Variants in ANKRD55 observed in about 807,000 individuals in gnomAD.
ANKRD55 encodes the protein ankyrin repeat domain-containing protein 55.
A neutral mutation model predicts 60.6 loss-of-function variants in ANKRD55; 41 were observed. The ratio of observed to expected loss-of-function variants is 0.68; its 90% CI spans 0.53 to 0.88. The LOEUF is 0.88. ANKRD55 is among the 40% of genes least tolerant of loss of function. The probability of loss-of-function intolerance (pLI) is 0.00; values close to 1 mark genes in which losing one functional copy is unlikely to be tolerated. For synonymous variants in ANKRD55, 264 were observed against 290.3 expected (o/e 0.91, Z 0.92); for missense variants, 732 against 767.6 (o/e 0.95, Z 0.55).
At chr5:56,195,589 G>T (rs773875881) in intron 2 of ANKRD55, among the ~76,000 whole-genome samples, 1 of 152,068 alleles carries the variant, frequency 6.6e-6, no homozygotes, top group Admixed American at 6.6e-5. Context: ...GATTACAGGC[G>T]TGTGCCACCA....
chr5:56,115,411 C>G (rs1438536897), intron 9 of ANKRD55, among the ~76,000 whole-genome samples: 1 of 151,590 alleles, frequency 6.6e-6, no homozygotes, highest in Non-Finnish European at 1.5e-5. Flanking sequence ...CTCCACCTCC[C>G]AGGCTCAAGC....
intron 10 of ANKRD55, among the ~76,000 whole-genome samples, chr5:56,109,511 A>G (rs1271330426): frequency 1.3e-5 from 2 of 151,838 alleles, no homozygotes; most frequent in African/African-American, 4.8e-5. Context: ...CTTTTGAACA[A>G]TGGTTCAAAG....
At chr5:56,171,958 A>C (rs761927289) in intron 4 of ANKRD55, among the ~76,000 whole-genome samples, 1 of 152,072 alleles carries the variant, frequency 6.6e-6, no homozygotes, top group African/African-American at 2.4e-5. Context: ...TCTCTACCAA[A>C]AATACAAAAA....
intron 7 of ANKRD55, among the ~76,000 whole-genome samples, chr5:56,133,679 C>G (rs1262752937): frequency 8.8e-6 from 1 of 113,188 alleles, no homozygotes; most frequent in African/African-American, 2.9e-5. Context: ...AATTTCTGAA[C>G]ATGTGGAGAT....
At chr5:56,216,527 G>A (rs1426297322) in intron 2 of ANKRD55, among the ~76,000 whole-genome samples, 1 of 152,230 alleles carries the variant, frequency 6.6e-6, no homozygotes, top group African/African-American at 2.4e-5. Context: ...GTCCTCTTGT[G>A]TCAGTTAGTC....
intron 8 of ANKRD55, among the ~76,000 whole-genome samples, chr5:56,118,379 G>A (rs770042989): frequency 3.3e-5 from 5 of 151,982 alleles, no homozygotes; most frequent in Admixed American, 1.3e-4. Context: ...TAATCCCAGC[G>A]CTTTGGGAGG....
intron 9 of ANKRD55, among the ~76,000 whole-genome samples, chr5:56,116,103 C>T (rs189413491): frequency 6.6e-5 from 10 of 152,314 alleles, no homozygotes; most frequent in African/African-American, 2.4e-4. Context: ...GATCCACCTG[C>T]CTCAGCCTCC....
At chr5:56,107,795 A>G (rs1756530780) in intron 10 of ANKRD55, among the ~76,000 whole-genome samples, 1 of 151,854 alleles carries the variant, frequency 6.6e-6, no homozygotes, top group Non-Finnish European at 1.5e-5. Context: ...GAAAGAGCCT[A>G]TGTTGCTTAT....
In ANKRD55 at chr5:56,102,378, A is replaced by T. The variant is rs1437799913; in HGVS notation, c.1723+116T>A. 1.3e-4 allele frequency: 93 copies of T among 691,058 alleles called. No individual in the cohort carries two copies. In the East Asian group the frequency reaches 2.8e-3, roughly 21 times the overall value. 42.8% of individuals were successfully genotyped at this position (691,058 alleles called of 1,614,324 possible). On this transcript the variant is annotated intron_variant, in intron 11 of 11. Coordinates refer to ENST00000341048, the MANE Select transcript of ANKRD55 (RefSeq NM_024669.3). The stretch of plus-strand genomic sequence containing the variant: ...TGCACTCTAGCCGGGGCGACAGCGC[A>T]AGACTCCATCTCAAAAAAAAAAAAA...
intron 6 of ANKRD55, among the ~76,000 whole-genome samples, chr5:56,155,318 A>G (rs1317524511): frequency 3.3e-5 from 5 of 152,184 alleles, no homozygotes; most frequent in Non-Finnish European, 7.4e-5. Flanking sequence ...AACAAAAAGC[A>G]GATTGGTTAT....
At chr5:56,111,892 C>A (rs545311780) in intron 9 of ANKRD55, 110 bp from the exon 10 acceptor site, 94 of 1,080,210 alleles carry the variant, frequency 8.7e-5, no homozygotes, top group Non-Finnish European at 1.1e-4. Flanking sequence ...TTTCTGAGAT[C>A]CTTCCTAGAT....
At chr5:56,154,717 T>C (rs1218313853) in intron 6 of ANKRD55, among the ~76,000 whole-genome samples, 1 of 151,414 alleles carries the variant, frequency 6.6e-6, no homozygotes, top group Non-Finnish European at 1.5e-5. Flanking sequence ...GCCTCTGGAG[T>C]AGCTGGGGCT....
intron 11 of ANKRD55, among the ~76,000 whole-genome samples, chr5:56,100,808 T>G (rs1224064084): frequency 7.9e-5 from 12 of 152,220 alleles, no homozygotes; most frequent in Non-Finnish European, 1.5e-5. Context: ...TCTTGGGCCC[T>G]GCCAAAGAAA....
intron 6 of ANKRD55, among the ~76,000 whole-genome samples, chr5:56,146,045 C>T (rs1219569371): frequency 6.6e-6 from 1 of 152,068 alleles, no homozygotes; most frequent in Non-Finnish European, 1.5e-5. Flanking sequence ...AAAAATAATG[C>T]ATGGATAGCC....
chr5:56,128,112 T>C (rs146670667), intron 7 of ANKRD55, among the ~76,000 whole-genome samples: 1 of 152,280 alleles, frequency 6.6e-6, no homozygotes, highest in African/African-American at 2.4e-5. Context: ...TTTTAGATAG[T>C]CAAGAGACAC....
intron 11 of ANKRD55, among the ~76,000 whole-genome samples, chr5:56,101,187 G>A (rs895402023): frequency 6.6e-6 from 1 of 152,196 alleles, no homozygotes; most frequent in African/African-American, 2.4e-5. Context: ...TAGCCTAGGG[G>A]AGAAAGACAT....
At chr5:56,229,365 AAG>A (rs1459907602) in intron 2 of ANKRD55, among the ~76,000 whole-genome samples, 1 of 152,140 alleles carries the variant, frequency 6.6e-6, no homozygotes, top group East Asian at 1.9e-4. Context: ...GAAGGCACAA[AAG>A]AGAGTCGAGA....
rs139304979 is a variant in ANKRD55 at position 56,182,619 on chromosome 5, G to C, written c.181+893C>G. 3.1e-3 allele frequency among the ~76,000 whole-genome samples: 477 copies of C among 152,188 alleles called. 4 individuals are homozygous for C. The highest frequency in any genetic ancestry group is 0.011 in the African/African-American group (455 of 41,532). ...TTTTCATTCAGTTTGGGATCTTCCT[G>C]TTTCTTGGTATGACGAGTGATTTTT... On this transcript the variant is annotated intron_variant, in intron 3 of 11. Coordinates refer to ENST00000341048, the MANE Select transcript of ANKRD55 (RefSeq NM_024669.3).
At position 56,111,731 on chromosome 5, in the gene ANKRD55, C is replaced by T; in HGVS notation, c.1017G>A (p.Lys339=). The change falls in exon 10 of 12, where the codon AAG becomes AAA. Residue 339 remains lysine, a synonymous_variant. Transcript: ENST00000341048. ...GGTTGAGCACGTTGAACCGTCTCTC[C>T]TTCTTCTGGGGCCGACTGCTCTGGG... is the stretch of plus-strand genomic sequence containing the variant. ...PPSQSSRPQK[K]ERRFNVLNQI... is the part of the protein sequence containing the mutation. The T allele has an allele frequency of 1.3e-6, 2 of 1,516,844 alleles. No individual in the cohort carries two copies. Among genetic ancestry groups the T allele is most frequent in the East Asian group, 4.5e-5 (2 of 44,020 alleles). 94.0% of individuals were successfully genotyped at this position (1,516,844 alleles called of 1,614,324 possible). A position where few individuals can be genotyped will look rare whatever the true frequency, so the allele number is the denominator to read the frequency against.
Sources: gnomAD v4.1 joint callset for allele counts (sites outside exome capture counted in the v4.1 genomes callset) on GRCh38, gnomAD v4.1.1 for gene constraint, MANE v1.5 for transcripts, NCBI Gene and HGNC (gene_info 2026-07-23, HGNC 2026-07-21) for gene names.